The following KHDRBS2 variants were observed in gnomAD, a reference collection of about 807,000 sequenced individuals.
The protein encoded by KHDRBS2 is KH domain-containing, RNA-binding, signal transduction-associated protein 2.
Under a neutral mutation model 44.3 loss-of-function variants are expected in KHDRBS2, and 26 were observed. The ratio of observed to expected loss-of-function variants is 0.59; its 90% CI spans 0.43 to 0.81. The LOEUF is 0.81. KHDRBS2 is among the 40% of genes least tolerant of loss of function. The pLI, the probability that KHDRBS2 is intolerant of heterozygous loss-of-function variation, is 0.00. For missense variants in KHDRBS2, 476 were observed against 433.1 expected (o/e 1.10, Z -0.88); for synonymous variants, 194 against 151.1 (o/e 1.28, Z -2.08).
intron 6 of KHDRBS2, among the ~76,000 whole-genome samples, chr6:61,882,777 G>T (rs548153845): frequency 5.9e-5 from 9 of 152,058 alleles, no homozygotes; most frequent in African/African-American, 1.9e-4. Context: ...AACAGAAAAG[G>T]CCCAAAATGT....
the KHDRBS2 span, among the ~76,000 whole-genome samples, chr6:61,545,857 C>G: frequency 0.17 from 26,032 of 151,902 alleles, 2,464 homozygotes; most frequent in East Asian, 0.3. Context: ...TGAGTGCCTG[C>G]ACCAAGGAAA....
intron 6 of KHDRBS2, among the ~76,000 whole-genome samples, chr6:61,768,543 T>G (rs1422151201): frequency 6.6e-6 from 1 of 152,138 alleles, no homozygotes; most frequent in Non-Finnish European, 1.5e-5. Flanking sequence ...CTTCACTCTT[T>G]TTTATTCCTT....
the KHDRBS2 span, among the ~76,000 whole-genome samples, chr6:61,561,353 A>T: frequency 3.9e-5 from 6 of 152,074 alleles, no homozygotes; most frequent in Non-Finnish European, 2.9e-5. Flanking sequence ...CCCAAAGCCC[A>T]CTGTATCTAC....
At chr6:61,904,101 G>A (rs926311363) in intron 4 of KHDRBS2, among the ~76,000 whole-genome samples, 4 of 152,292 alleles carry the variant, frequency 2.6e-5, no homozygotes, top group South Asian at 2.1e-4. Flanking sequence ...TTTCAGGAGC[G>A]TACTTCAGCA....
chr6:61,875,761 C>T lies in KHDRBS2; in HGVS notation c.810+18874G>A, dbSNP rs539100065. On this transcript the variant is annotated intron_variant, in intron 6 of 8. Coordinates refer to ENST00000281156, the MANE Select transcript of KHDRBS2 (RefSeq NM_152688.4). ...CTAATGTGATAATTATTTTATTCTT[C>T]ATGTCCATAATAGTTAATTTTACAG... 1.6e-4 allele frequency among the ~76,000 whole-genome samples: 24 copies of T among 152,138 alleles called. No homozygotes were observed. The East Asian group carries it at 3.9e-3, about 25-fold the overall frequency.
At chr6:62,048,244 G>A (rs1269133402) in intron 2 of KHDRBS2, among the ~76,000 whole-genome samples, 2 of 151,396 alleles carry the variant, frequency 1.3e-5, no homozygotes, top group African/African-American at 4.9e-5. Context: ...TGAAAAGTAT[G>A]TTGAAAATAT....
At chr6:61,885,098 T>C (rs1016741176) in intron 6 of KHDRBS2, among the ~76,000 whole-genome samples, 1 of 152,092 alleles carries the variant, frequency 6.6e-6, no homozygotes, top group Non-Finnish European at 1.5e-5. Context: ...TAGAAAACAA[T>C]ATAGAATTTC....
At chr6:62,129,575 T>C (rs1443351655) in intron 2 of KHDRBS2, among the ~76,000 whole-genome samples, 1 of 152,124 alleles carries the variant, frequency 6.6e-6, no homozygotes, top group African/African-American at 2.4e-5. Context: ...AGTTTTAAAA[T>C]ATTCTTAAAA....
At chr6:62,147,745 C>T (rs1455939175) in intron 2 of KHDRBS2, among the ~76,000 whole-genome samples, 2 of 151,906 alleles carry the variant, frequency 1.3e-5, no homozygotes, top group South Asian at 2.1e-4. Flanking sequence ...TTAAGAAGGG[C>T]CGTGTATGTA....
At chr6:61,982,175 T>C (rs938585854) in intron 3 of KHDRBS2, among the ~76,000 whole-genome samples, 2 of 151,744 alleles carry the variant, frequency 1.3e-5, no homozygotes, top group Non-Finnish European at 2.9e-5. Flanking sequence ...ATTATGTAAT[T>C]TACCCTAGGT....
intron 4 of KHDRBS2, among the ~76,000 whole-genome samples, chr6:61,915,568 A>G (rs1806842196): frequency 6.6e-6 from 1 of 151,998 alleles, no homozygotes; most frequent in African/African-American, 2.4e-5. Flanking sequence ...ATGCCTATTT[A>G]TATAATAATT....
At chr6:61,712,269 T>A (rs962130989) in intron 7 of KHDRBS2, among the ~76,000 whole-genome samples, 4 of 151,748 alleles carry the variant, frequency 2.6e-5, no homozygotes, top group African/African-American at 9.7e-5. Context: ...ACAGCAAAGG[T>A]CATGAAAGTA....
intron 2 of KHDRBS2, among the ~76,000 whole-genome samples, chr6:62,140,309 C>T (rs572251638): frequency 2.6e-5 from 4 of 152,182 alleles, no homozygotes; most frequent in South Asian, 2.1e-4. Flanking sequence ...TAGGTACAGA[C>T]GGATAGTGGG....
intron 6 of KHDRBS2, among the ~76,000 whole-genome samples, chr6:61,876,946 T>C (rs1391532925): frequency 1.3e-5 from 2 of 151,974 alleles, no homozygotes; most frequent in Non-Finnish European, 2.9e-5. Context: ...ATACAATAGG[T>C]GGTATACATT....
the KHDRBS2 span, among the ~76,000 whole-genome samples, chr6:61,633,609 A>C: frequency 2.0e-5 from 3 of 152,060 alleles, no homozygotes; most frequent in Admixed American, 2.0e-4. Flanking sequence ...CTCCTTTATG[A>C]GAACATCAAC....
chr6:61,634,003 C>T, the KHDRBS2 span, among the ~76,000 whole-genome samples: 2 of 151,988 alleles, frequency 1.3e-5, no homozygotes, highest in African/African-American at 4.8e-5. Flanking sequence ...TGTTGATAAA[C>T]TGGGACAATG....
chr6:61,880,521 A>G (rs1291031615), intron 6 of KHDRBS2, among the ~76,000 whole-genome samples: 2 of 151,980 alleles, frequency 1.3e-5, no homozygotes, highest in Admixed American at 6.6e-5. Flanking sequence ...GTGCTTCATT[A>G]TATTTACAGA....
At chr6:61,613,398 G>A in the KHDRBS2 span, among the ~76,000 whole-genome samples, 2 of 152,208 alleles carry the variant, frequency 1.3e-5, no homozygotes, top group Non-Finnish European at 2.9e-5. Context: ...ATCATAGAAT[G>A]CTTGAGGCCT....
At chr6:61,661,732 T>C in the KHDRBS2 span, among the ~76,000 whole-genome samples, 2 of 151,728 alleles carry the variant, frequency 1.3e-5, no homozygotes, top group Admixed American at 6.6e-5. Flanking sequence ...AAACCACTGC[T>C]CAATGAAATA....
Sources: gnomAD v4.1 joint callset for allele counts (sites outside exome capture counted in the v4.1 genomes callset) on GRCh38, gnomAD v4.1.1 for gene constraint, MANE v1.5 for transcripts, NCBI Gene and HGNC (gene_info 2026-07-23, HGNC 2026-07-21) for gene names.